The following CACNA2D2 variants were observed in gnomAD, a reference collection of about 807,000 sequenced individuals.
CACNA2D2 encodes calcium voltage-gated channel auxiliary subunit alpha2delta 2.
In CACNA2D2, 48 loss-of-function variants were observed where a neutral mutation model predicts 166.4. That is an observed-to-expected ratio of 0.29 (90% CI 0.23 to 0.37). The LOEUF is 0.37. CACNA2D2 is among the 10% of genes least tolerant of loss of function. The probability of loss-of-function intolerance (pLI) is 1.00; values close to 1 mark genes in which losing one functional copy is unlikely to be tolerated. For synonymous variants in CACNA2D2, 561 were observed against 573.7 expected, an observed-to-expected ratio of 0.98 and a Z score of 0.32; for missense variants, 1,122 against 1,433.0, an observed-to-expected ratio of 0.78 and a Z score of 3.50.
At chr3:50,370,875 T>G (rs1376489359) in intron 22 of CACNA2D2, among the ~76,000 whole-genome samples, 1 of 152,162 alleles carries the variant, frequency 6.6e-6, no homozygotes, top group Non-Finnish European at 1.5e-5. Flanking sequence ...GATTTTTCTC[T>G]CTCTTTCTTT....
intron 3 of CACNA2D2, among the ~76,000 whole-genome samples, chr3:50,431,139 G>A (rs1258454721): frequency 6.6e-6 from 1 of 152,194 alleles, no homozygotes; most frequent in Non-Finnish European, 1.5e-5. Flanking sequence ...TCCAGGGAGA[G>A]AGGAACAATG....
chr3:50,417,383 A>G (rs1181615130), intron 3 of CACNA2D2, among the ~76,000 whole-genome samples: 2 of 152,208 alleles, frequency 1.3e-5, no homozygotes, highest in African/African-American at 4.8e-5. Context: ...TGGCCTAGGC[A>G]GGCCCTGCAA....
At chr3:50,404,182 G>T (rs2236958) in intron 3 of CACNA2D2, among the ~76,000 whole-genome samples, 1 of 152,168 alleles carries the variant, frequency 6.6e-6, no homozygotes. Flanking sequence ...ACAGAGAATA[G>T]GGATCCAAGA....
intron 3 of CACNA2D2, among the ~76,000 whole-genome samples, chr3:50,424,918 CCCTA>C (rs1559934929): frequency 5.3e-4 from 77 of 144,212 alleles, no homozygotes; most frequent in African/African-American, 2.2e-3. Flanking sequence ...CTTCTTGCCA[CCCTA>C]TCCCCCTACC....
At chr3:50,378,388 GCA>G in intron 13 of CACNA2D2, 55 bp from the exon 14 acceptor site, 1 of 1,515,148 alleles carries the variant, frequency 6.6e-7, no homozygotes, top group South Asian at 1.2e-5. Flanking sequence ...GGATCCATGT[GCA>G]GAGGGCCCTG....
In CACNA2D2 at chr3:50,380,768, G is replaced by C; in HGVS notation, c.822C>G (p.Tyr274Ter). ...CTCACCAGGGTCTCCTTCGGACATC[G>C]TACAGGTCGATCTTCTTGGGGGCTC... Reference protein sequence around the residue: ...PWRAPKKIDLYDVRRRPWYIQ... With the variant: ...PWRAPKKIDL Residue 274 changes from tyrosine to a stop codon, truncating the protein, a stop_gained, in exon 8 of 38, where the codon TAC (tyrosine) becomes TAG (stop). Transcript: ENST00000424201. LOFTEE classifies it high-confidence loss of function. This position sits in a 1 kb window ranked among gnomAD's most constrained non-coding sequence, Gnocchi z 4.9. The C allele has an allele frequency of 6.5e-7, 1 of 1,549,788 alleles. No individual in the cohort carries two copies. Among genetic ancestry groups the C allele is most frequent in the Non-Finnish European group, 8.7e-7 (1 of 1,148,148 alleles).
At chr3:50,412,521 T>G (rs1267300314) in intron 3 of CACNA2D2, among the ~76,000 whole-genome samples, 1 of 150,754 alleles carries the variant, frequency 6.6e-6, no homozygotes, top group Non-Finnish European at 1.5e-5. Flanking sequence ...CCAGGTCTCG[T>G]GCATCCCAAA....
At chr3:50,388,366 A>T (rs1385133979) in intron 4 of CACNA2D2, among the ~76,000 whole-genome samples, 1 of 152,264 alleles carries the variant, frequency 6.6e-6, no homozygotes, top group African/African-American at 2.4e-5. Flanking sequence ...CCATTGGCTC[A>T]GGAGGGTCTG....
chr3:50,374,705 T>TGCAGGGC (rs2106637665), intron 22 of CACNA2D2, 32 bp downstream of exon 22: 3 of 1,568,462 alleles, frequency 1.9e-6, no homozygotes, highest in East Asian at 2.4e-5. Context: ...AGAGGCAGGG[T>TGCAGGGC]GCAGGGCGCA....
At chr3:50,398,139 C>G (rs750784439) in intron 3 of CACNA2D2, among the ~76,000 whole-genome samples, 10 of 152,302 alleles carry the variant, frequency 6.6e-5, no homozygotes, top group Admixed American at 2.6e-4. Flanking sequence ...CCACGCAGGG[C>G]AGGGACAGGG....
chr3:50,431,772 G>T (rs1382182170), intron 3 of CACNA2D2, among the ~76,000 whole-genome samples: 3 of 152,040 alleles, frequency 2.0e-5, no homozygotes, highest in Admixed American at 2.0e-4. Context: ...ATTACCTGAG[G>T]TCAGGAGTTT....
At chr3:50,444,583 C>T (rs1708756754) in intron 2 of CACNA2D2, among the ~76,000 whole-genome samples, 1 of 152,212 alleles carries the variant, frequency 6.6e-6, no homozygotes, top group Non-Finnish European at 1.5e-5. Flanking sequence ...CCATTCTGTC[C>T]TGCAGGGACC....
chr3:50,423,441 C>T (rs1014568537), intron 3 of CACNA2D2, among the ~76,000 whole-genome samples: 4 of 152,220 alleles, frequency 2.6e-5, no homozygotes, highest in Non-Finnish European at 5.9e-5. Flanking sequence ...CCCTGCTGAC[C>T]TTTTCTAAGT....
intron 3 of CACNA2D2, among the ~76,000 whole-genome samples, chr3:50,417,040 A>T (rs925391155): frequency 1.3e-5 from 2 of 152,172 alleles, no homozygotes; most frequent in African/African-American, 4.8e-5. Context: ...ACAGGGAGAA[A>T]TGTGTGCCCA....
intron 5 of CACNA2D2, among the ~76,000 whole-genome samples, chr3:50,385,001 G>A (rs1705516737): frequency 2.0e-5 from 3 of 152,316 alleles, no homozygotes; most frequent in Admixed American, 6.5e-5. Flanking sequence ...AAGGGCCCCT[G>A]TTGATTTTCT....
At chr3:50,490,247 G>A (rs1698469419) in intron 1 of CACNA2D2, among the ~76,000 whole-genome samples, 1 of 152,182 alleles carries the variant, frequency 6.6e-6, no homozygotes, top group African/African-American at 2.4e-5. Flanking sequence ...GGCTCCCATA[G>A]ATACCATGGT....
At chr3:50,452,138 T>TG (rs2106960036) in intron 2 of CACNA2D2, among the ~76,000 whole-genome samples, 1 of 151,816 alleles carries the variant, frequency 6.6e-6, no homozygotes, top group South Asian at 2.1e-4. Flanking sequence ...AGAGGTGGAG[T>TG]GGGGGTGCAC....
intron 2 of CACNA2D2, among the ~76,000 whole-genome samples, chr3:50,464,128 C>T (rs1575729935): frequency 6.6e-6 from 1 of 152,142 alleles, no homozygotes; most frequent in African/African-American, 2.4e-5. Flanking sequence ...GAGACTGAAG[C>T]CCCCCCAGCG....
At chr3:50,484,205 T>C (rs557456186) in intron 1 of CACNA2D2, among the ~76,000 whole-genome samples, 2 of 152,232 alleles carry the variant, frequency 1.3e-5, no homozygotes, top group East Asian at 1.9e-4. Context: ...ATCCAATCTA[T>C]CAGCAAGTGC....
Sources: allele counts gnomAD v4.1 joint callset (sites outside exome capture counted in the v4.1 genomes callset), GRCh38; gene constraint gnomAD v4.1.1; non-coding constraint Gnocchi (gnomAD v3.1); transcripts MANE v1.5; gene names NCBI Gene and HGNC (gene_info 2026-07-23, HGNC 2026-07-21).